Variants in TRPC4AP observed in about 807,000 individuals in gnomAD.
TRPC4AP encodes short transient receptor potential channel 4-associated protein.
In TRPC4AP, 45 loss-of-function variants were observed where a neutral mutation model predicts 99.0. The ratio of observed to expected loss-of-function variants is 0.45; its 90% CI spans 0.36 to 0.58. TRPC4AP has a LOEUF of 0.58. TRPC4AP is among the 20% of genes least tolerant of loss of function. The probability of loss-of-function intolerance (pLI) is 0.00; values close to 1 mark genes in which losing one functional copy is unlikely to be tolerated. For missense variants in TRPC4AP, 879 were observed against 985.3 expected (o/e 0.89, Z 1.44); for synonymous variants, 408 against 385.8 (o/e 1.06, Z -0.67).
chr20:35,035,550 C>G (rs1185323171), intron 7 of TRPC4AP, among the ~76,000 whole-genome samples: 1 of 152,138 alleles, frequency 6.6e-6, no homozygotes, highest in Non-Finnish European at 1.5e-5. Context: ...TTAGAATAAT[C>G]TTTATGCCTT....
chr20:35,036,345 G>A (rs1477172492), intron 7 of TRPC4AP, among the ~76,000 whole-genome samples: 4 of 152,186 alleles, frequency 2.6e-5, no homozygotes, highest in African/African-American at 9.7e-5. Flanking sequence ...TCCGTCAAGT[G>A]GAAAAGGGGA....
rs530911081 is a variant in TRPC4AP, at chr20:35,008,920, T to C, written c.1512-173A>G. 5.1e-4 allele frequency among the ~76,000 whole-genome samples: 77 copies of C among 152,282 alleles called. 1 individual carries two copies. The highest frequency in any genetic ancestry group is 1.8e-3 in the African/African-American group (75 of 41,548). ...CCCGGAGACCCCTGCAGCCACAGAATTAAACTGCCAAGTGCATTCCCACCA... is the reference window on the plus strand; with the variant it reads ...CCCGGAGACCCCTGCAGCCACAGAACTAAACTGCCAAGTGCATTCCCACCA... On this transcript the variant is annotated intron_variant, in intron 12 of 18. Transcript: ENST00000252015.
chr20:35,037,341 T>C (rs7273382), intron 7 of TRPC4AP, among the ~76,000 whole-genome samples: 100,002 of 137,814 alleles, frequency 0.73, 36,531 homozygotes, highest in Middle Eastern at 0.83. Context: ...AGCGAGACTC[T>C]GTCTCAAAAA....
At chr20:35,071,245 A>G (rs2084306275) in intron 2 of TRPC4AP, among the ~76,000 whole-genome samples, 1 of 152,186 alleles carries the variant, frequency 6.6e-6, no homozygotes, top group Admixed American at 6.5e-5. Flanking sequence ...CATTACGTTC[A>G]ATATAACTTA....
intron 1 of TRPC4AP, among the ~76,000 whole-genome samples, chr20:35,084,718 A>G (rs550288801): frequency 4.5e-4 from 63 of 139,144 alleles, no homozygotes; most frequent in Admixed American, 8.0e-4. Flanking sequence ...ATATGTTTAT[A>G]TGCATATATG....
intron 5 of TRPC4AP, among the ~76,000 whole-genome samples, chr20:35,050,593 G>T (rs937358316): frequency 6.6e-6 from 1 of 151,940 alleles, no homozygotes; most frequent in African/African-American, 2.4e-5. Context: ...CATGCCTGTA[G>T]TCCTAGCTAC....
chr20:35,024,842 A>C (rs7362222), intron 8 of TRPC4AP, among the ~76,000 whole-genome samples: 26,152 of 121,244 alleles, frequency 0.22, 4,628 homozygotes, highest in Middle Eastern at 0.38. Flanking sequence ...AAAAAAAAAA[A>C]AAAAAAAAAA....
intron 1 of TRPC4AP, among the ~76,000 whole-genome samples, chr20:35,082,867 A>T (rs1313211662): frequency 1.3e-5 from 2 of 152,218 alleles, no homozygotes; most frequent in African/African-American, 4.8e-5. Context: ...TGATAAACTC[A>T]AATAAAAAAA....
In TRPC4AP at chr20:35,005,747, C is replaced by T. The variant is rs770564877; in HGVS notation, c.1884G>A (p.Val628=). ...NSSLVDSNML[V]RCVTLSLDRF... ...GGTCCAGGGACAGAGTGACACAGCG[C>T]ACCAGCATGTTGGAGTCCACCAGGG... is the stretch of plus-strand genomic sequence containing the variant. Residue 628 remains valine, a synonymous_variant, in exon 16 of 19, where the codon GTG becomes GTA. Transcript: ENST00000252015. The T allele has an allele frequency of 6.2e-7, 1 of 1,614,236 alleles. No homozygotes were observed. Among genetic ancestry groups the T allele is most frequent in the African/African-American group, 1.3e-5 (1 of 75,064 alleles).
rs570883132 is a variant in TRPC4AP at position 35,038,454 on chromosome 20, T to G, written c.866-3146A>C. 2.3e-3 allele frequency among the ~76,000 whole-genome samples: 351 copies of G among 152,300 alleles called. 1 individual carries two copies. The highest frequency in any genetic ancestry group is 8.2e-3 in the African/African-American group (340 of 41,570). ...GGGACTAATTAAATTACAGTATGCC[T>G]GTATAATAGAATATTATATAATTAC... is the stretch of plus-strand genomic sequence containing the variant. On this transcript the variant is annotated intron_variant, in intron 7 of 18. Coordinates refer to ENST00000252015, the MANE Select transcript of TRPC4AP (RefSeq NM_015638.3).
At chr20:35,059,486 C>G (rs1011968328) in intron 3 of TRPC4AP, among the ~76,000 whole-genome samples, 17 of 152,016 alleles carry the variant, frequency 1.1e-4, no homozygotes, top group African/African-American at 4.1e-4. Flanking sequence ...ACAGCAAGAC[C>G]CCATGTCTCT....
chr20:35,002,790 C>T lies in TRPC4AP; in HGVS notation c.*356G>A. The T allele has an allele frequency of 4.7e-6, 1 of 214,146 alleles. No individual in the cohort carries two copies. The highest frequency in any genetic ancestry group is 9.0e-5 in the South Asian group (1 of 11,090). The allele number at this position is 214,146 out of a possible 1,614,324, so 13.3% of individuals were successfully genotyped here. A position where few individuals can be genotyped will look rare whatever the true frequency, so the allele number is the denominator to read the frequency against. ...GCTCACAGATGGGGGGTGGGGGTCA[C>T]CCATATCTTCCTCCCCACTCTGGGA... On this transcript the variant is annotated 3_prime_UTR_variant, in exon 19 of 19. Coordinates refer to ENST00000252015, the MANE Select transcript of TRPC4AP (RefSeq NM_015638.3).
In TRPC4AP at chr20:35,044,470, A is replaced by G. The variant is rs754167898; in HGVS notation, c.865+35T>C. On this transcript the variant is annotated intron_variant, in intron 7 of 18. Coordinates refer to ENST00000252015, the MANE Select transcript of TRPC4AP (RefSeq NM_015638.3). ...ATGATTTAGTAAGGGCCTCAGAGCT[A>G]TAATCTCAAAATTCTGAGAACTTGG... 6 of 1,597,594 alleles carry G rather than the reference A, an allele frequency of 3.8e-6. No homozygotes were observed. In the South Asian group the frequency reaches 5.5e-5, roughly 15 times the overall value.
chr20:35,009,886 C>T (rs116033567), intron 12 of TRPC4AP, among the ~76,000 whole-genome samples: 1,978 of 152,306 alleles, frequency 0.013, 31 homozygotes, highest in African/African-American at 0.045. Flanking sequence ...GCTGAATGCA[C>T]GAGACAAGGC....
chr20:35,067,771 A>G (rs1473713592), intron 3 of TRPC4AP, among the ~76,000 whole-genome samples: 1 of 152,228 alleles, frequency 6.6e-6, no homozygotes, highest in Non-Finnish European at 1.5e-5. Flanking sequence ...CACATATTAT[A>G]TAACTAAATT....
At chr20:35,052,523 CCTCA>C (rs1182881571) in intron 5 of TRPC4AP, among the ~76,000 whole-genome samples, 1 of 151,818 alleles carries the variant, frequency 6.6e-6, no homozygotes, top group Non-Finnish European at 1.5e-5. Context: ...TTTGAGAGAC[CCTCA>C]CTCTGTCACC....
chr20:35,072,963 C>G (rs1024738042), intron 2 of TRPC4AP, among the ~76,000 whole-genome samples: 1 of 152,140 alleles, frequency 6.6e-6, no homozygotes, highest in Non-Finnish European at 1.5e-5. Flanking sequence ...TTTCATTGAG[C>G]AGTGGTTTGT....
At chr20:35,068,091 A>G (rs556982986) in intron 3 of TRPC4AP, among the ~76,000 whole-genome samples, 111 of 152,344 alleles carry the variant, frequency 7.3e-4, no homozygotes, top group Admixed American at 2.7e-3. Flanking sequence ...TAAATACTTA[A>G]AATACACTGT....
intron 10 of TRPC4AP, among the ~76,000 whole-genome samples, chr20:35,014,321 T>TTTC (rs1212589505): frequency 2.8e-5 from 4 of 143,346 alleles, no homozygotes; most frequent in Non-Finnish European, 6.1e-5. Context: ...AGAATTTTTT[T>TTTC]TTTTTTTTTT....
Sources: allele counts gnomAD v4.1 joint callset (sites outside exome capture counted in the v4.1 genomes callset), GRCh38; gene constraint gnomAD v4.1.1; transcripts MANE v1.5; gene names NCBI Gene and HGNC (gene_info 2026-07-23, HGNC 2026-07-21).